Variants in RAB37 observed in about 807,000 individuals in gnomAD.
The protein encoded by RAB37 is ras-related protein Rab-37.
A neutral mutation model predicts 33.1 loss-of-function variants in RAB37; 29 were observed. The ratio of observed to expected loss-of-function variants is 0.88; its 90% confidence interval spans 0.65 to 1.20. The LOEUF (loss-of-function observed/expected upper bound fraction) is 1.20. Among genes scored for constraint, RAB37 ranks in the 50% most tolerant of loss-of-function variants. The pLI, the probability that RAB37 is intolerant of heterozygous loss-of-function variation, is 0.00. For synonymous variants in RAB37, 128 were observed against 119.5 expected (o/e 1.07, Z -0.47); for missense variants, 299 against 301.1 (o/e 0.99, Z 0.05).
intron 1 of RAB37, among the ~76,000 whole-genome samples, chr17:74,724,800 A>T (rs535010378): frequency 2.0e-5 from 3 of 152,168 alleles, no homozygotes; most frequent in African/African-American, 7.2e-5. Flanking sequence ...AACAAATCAC[A>T]ATGGTGGAAT....
In RAB37 at chr17:74,716,135, C is replaced by T. The variant is rs11656668; in HGVS notation, c.73-13121C>T. Among the ~76,000 whole-genome samples the T allele has an allele frequency of 3.1e-3, 467 of 152,312 alleles. 1 individual carries two copies. The highest frequency in any genetic ancestry group is 6.8e-3 in the Middle Eastern group (2 of 294). On this transcript the variant is annotated intron_variant, in intron 1 of 7. Transcript: ENST00000340415. ...GGAATCGGCTCTTCTGCAGGCCTTG[C>T]GTCCTCAAAAACTCATTTGAACCTG...
At chr17:74,689,703 A>G (rs1304952628) in intron 1 of RAB37, among the ~76,000 whole-genome samples, 6 of 152,228 alleles carry the variant, frequency 3.9e-5, no homozygotes, top group Non-Finnish European at 2.9e-5. Flanking sequence ...TTGGTACATG[A>G]AATCAACCGA....
intron 1 of RAB37, among the ~76,000 whole-genome samples, chr17:74,681,173 T>G (rs2031947708): frequency 6.6e-6 from 1 of 152,206 alleles, no homozygotes; most frequent in African/African-American, 2.4e-5. Flanking sequence ...ACGTGGACCT[T>G]GGTGCCCATG....
At chr17:74,713,501 G>T (rs2034096088) in intron 1 of RAB37, among the ~76,000 whole-genome samples, 1 of 151,988 alleles carries the variant, frequency 6.6e-6, no homozygotes. Flanking sequence ...AGATCCACTG[G>T]GTCTGGCCAG....
chr17:74,690,047 G>A (rs1030521292), intron 1 of RAB37, among the ~76,000 whole-genome samples: 3 of 152,096 alleles, frequency 2.0e-5, no homozygotes, highest in African/African-American at 7.2e-5. Flanking sequence ...AACTTCCTAC[G>A]TTCAAGCGAT....
At chr17:74,697,353 C>G (rs1473134911) in intron 1 of RAB37, among the ~76,000 whole-genome samples, 2 of 152,122 alleles carry the variant, frequency 1.3e-5, no homozygotes, top group African/African-American at 4.8e-5. Flanking sequence ...CTAGGGACAA[C>G]AAAGAAATGG....
At chr17:74,711,741 C>CAGG (rs1191650119) in intron 1 of RAB37, among the ~76,000 whole-genome samples, 3 of 152,124 alleles carry the variant, frequency 2.0e-5, no homozygotes, top group African/African-American at 7.2e-5. Context: ...GCATCTGGGA[C>CAGG]CCTCTTCAGG....
At chr17:74,714,796 C>A (rs1369755848) in intron 1 of RAB37, among the ~76,000 whole-genome samples, 1 of 152,170 alleles carries the variant, frequency 6.6e-6, no homozygotes, top group African/African-American at 2.4e-5. Context: ...AAGACCCCAG[C>A]AAGTCCCTAG....
Position 74,738,454 on chromosome 17 carries a change from G to C in RAB37, c.93+1089G>C, listed in dbSNP as rs1423191832. On this transcript the variant is annotated intron_variant, in intron 1 of 8. Transcript: ENST00000392613. This position sits in a 1 kb window ranked among gnomAD's most constrained non-coding sequence, Gnocchi z 5.0. ...GTTGGCCAGGCCCCAGGCTGAGGGG[G>C]ACTGCCTGACCTTGTTGCCCTGCAA... is the stretch of plus-strand genomic sequence containing the variant. Among the ~76,000 whole-genome samples the C allele has an allele frequency of 2.6e-5, 4 of 152,194 alleles. No individual in the cohort carries two copies. The highest frequency in any genetic ancestry group is 9.7e-5 in the African/African-American group (4 of 41,444).
chr17:74,718,339 C>G (rs1225613175), intron 1 of RAB37, among the ~76,000 whole-genome samples: 1 of 151,596 alleles, frequency 6.6e-6, no homozygotes. Context: ...CATATCATAT[C>G]ATATCATATC....
chr17:74,690,153 G>T (rs1163077308), intron 1 of RAB37, among the ~76,000 whole-genome samples: 1 of 151,944 alleles, frequency 6.6e-6, no homozygotes, highest in Non-Finnish European at 1.5e-5. Flanking sequence ...CTTTTTGTAG[G>T]CCTCCCTATG....
intron 1 of RAB37, 112 bp from the exon 2 acceptor site, chr17:74,740,656 G>A: frequency 2.5e-6 from 2 of 786,456 alleles, no homozygotes; most frequent in Non-Finnish European, 4.4e-6. Flanking sequence ...CTTTGGTGCG[G>A]TCAGCATTCG....
upstream of RAB37, among the ~76,000 whole-genome samples, chr17:74,735,886 C>A (rs1024787442): frequency 6.6e-6 from 1 of 152,142 alleles, no homozygotes; most frequent in African/African-American, 2.4e-5. Flanking sequence ...CCACGTCTAC[C>A]CCTGCTCCTC....
chr17:74,737,185 AG>A, upstream of RAB37: 2 of 514,346 alleles, frequency 3.9e-6, no homozygotes, highest in South Asian at 4.4e-5. Context: ...CGGTCGAGGG[AG>A]GGGAGGAGTG....
intron 1 of RAB37, among the ~76,000 whole-genome samples, chr17:74,689,208 C>T (rs1038830330): frequency 2.0e-5 from 3 of 151,932 alleles, no homozygotes; most frequent in East Asian, 1.9e-4. Context: ...TTTGGGAGGT[C>T]GAGGTGGGCA....
chr17:74,744,531 C>A lies in RAB37; in HGVS notation c.432+158C>A. ...ACATATCTGGAGGCTTCTGCCCATC[C>A]CATCTGCCCCTTCCAGGGAAAGTCC... On this transcript the variant is annotated intron_variant, in intron 6 of 8. Transcript: ENST00000392613. The surrounding 1 kb of genome is among the most constrained non-coding windows in gnomAD (Gnocchi z 4.2). 1 of 698,174 alleles carries A rather than the reference C, an allele frequency of 1.4e-6. No homozygotes were observed. Among genetic ancestry groups the A allele is most frequent in the South Asian group, 1.7e-5 (1 of 57,410 alleles). 43.2% of individuals were successfully genotyped at this position (698,174 alleles called of 1,614,324 possible). A position where few individuals can be genotyped will look rare whatever the true frequency, so the allele number is the denominator to read the frequency against.
intron 1 of RAB37, among the ~76,000 whole-genome samples, chr17:74,691,278 T>C (rs1166558907): frequency 6.6e-6 from 1 of 151,746 alleles, no homozygotes; most frequent in Non-Finnish European, 1.5e-5. Flanking sequence ...GGGATTAGAG[T>C]TGTAAGCCAC....
At chr17:74,727,900 G>A (rs1295987004) in intron 1 of RAB37, among the ~76,000 whole-genome samples, 3 of 151,940 alleles carry the variant, frequency 2.0e-5, no homozygotes, top group African/African-American at 7.3e-5. Context: ...GTGTATATCT[G>A]TGCATGTGTG....
At chr17:74,716,555 G>T (rs2034166737) in intron 1 of RAB37, among the ~76,000 whole-genome samples, 1 of 152,156 alleles carries the variant, frequency 6.6e-6, no homozygotes, top group Non-Finnish European at 1.5e-5. Context: ...TAGAGGAAAG[G>T]TGATGCGTTT....
Sources: allele counts gnomAD v4.1 joint callset (sites outside exome capture counted in the v4.1 genomes callset), GRCh38; gene constraint gnomAD v4.1.1; non-coding constraint Gnocchi (gnomAD v3.1); transcripts MANE v1.5; gene names NCBI Gene and HGNC (gene_info 2026-07-23, HGNC 2026-07-21).